GPC1: variants seen among roughly 807,000 people sequenced by gnomAD.
The protein encoded by GPC1 is glypican-1.
GPC1 carries 26 observed loss-of-function variants against 51.5 expected under a neutral mutation model. The observed-to-expected ratio is 0.50, with a 90% CI of 0.37 to 0.70. GPC1 has a LOEUF of 0.70. GPC1 is among the 30% of genes least tolerant of loss of function. The pLI is 0.00. For synonymous variants in GPC1, 380 were observed against 348.3 expected, an observed-to-expected ratio of 1.09 and a Z score of -1.01; for missense variants, 775 against 800.5, an observed-to-expected ratio of 0.97 and a Z score of 0.38.
At chr2:240,446,530 T>C (rs2074052008) in intron 1 of GPC1, among the ~76,000 whole-genome samples, 1 of 152,220 alleles carries the variant, frequency 6.6e-6, no homozygotes, top group Non-Finnish European at 1.5e-5. Context: ...ACTCACCCAT[T>C]TGAGTCATGT....
At position 240,451,347 on chromosome 2, in the gene GPC1, A is replaced by C. The variant is rs1442580157; in HGVS notation, c.167-7683A>C. On this transcript the variant is annotated intron_variant, in intron 1 of 8. Transcript: ENST00000264039. ...AGCGTGCCCCCTGTGGGTGTAGCAG[A>C]CAGGGAGGGCCAGTCCATCTTCCAG... 1.6e-5 allele frequency: 7 copies of C among 440,982 alleles called. No homozygotes were observed. The East Asian group carries it at 5.0e-4, about 31-fold the overall frequency. The allele number at this position is 440,982 out of a possible 1,614,324, so 27.3% of individuals were successfully genotyped here.
chr2:240,465,340 T>C, intron 7 of GPC1, 130 bp downstream of exon 7: 1 of 1,341,650 alleles, frequency 7.5e-7, no homozygotes, highest in Admixed American at 2.2e-5. Flanking sequence ...CTCTGCGGCC[T>C]GTGTGGGCTC....
At chr2:240,464,817 G>T (rs1387827613) in intron 5 of GPC1, 39 bp from the exon 6 acceptor site, 46 of 1,565,138 alleles carry the variant, frequency 2.9e-5, no homozygotes, top group Non-Finnish European at 4.0e-5. Flanking sequence ...GGCTTGAGGG[G>T]CCCCACTACC....
intron 1 of GPC1, chr2:240,456,714 CAGGCCCCAGGAA>C (rs2074168225): frequency 2.3e-6 from 1 of 442,484 alleles, no homozygotes; most frequent in African/African-American, 2.0e-5. Context: ...CAGCCTGGCA[CAGGCCCCAGGAA>C]AGGACCCGGA....
intron 1 of GPC1, chr2:240,450,017 G>A (rs2074083359): frequency 2.4e-6 from 1 of 422,544 alleles, no homozygotes; most frequent in South Asian, 1.7e-5. Flanking sequence ...ATGGGTGTAT[G>A]AGGAGCTGTT....
chr2:240,442,930 C>G (rs1402591986), intron 1 of GPC1, among the ~76,000 whole-genome samples: 1 of 152,250 alleles, frequency 6.6e-6, no homozygotes, highest in Non-Finnish European at 1.5e-5. Flanking sequence ...TCACCCCCGT[C>G]CACCTGAGGC....
chr2:240,436,347 C>G (rs979548421), intron 1 of GPC1, among the ~76,000 whole-genome samples: 1 of 152,132 alleles, frequency 6.6e-6, no homozygotes, highest in Admixed American at 6.5e-5. Flanking sequence ...CGCACGCCGG[C>G]TTCTTCCCTG....
intron 1 of GPC1, chr2:240,455,098 G>A (rs990775967): frequency 6.0e-6 from 1 of 166,984 alleles, no homozygotes; most frequent in African/African-American, 2.4e-5. Context: ...GGATCGGGAG[G>A]GGGAAGATGG....
intron 1 of GPC1, among the ~76,000 whole-genome samples, chr2:240,453,617 T>TCGCC (rs2074126588): frequency 2.2e-5 from 1 of 45,940 alleles, no homozygotes. Context: ...CCCCCTCCCC[T>TCGCC]CGCCTGCCCG....
At chr2:240,456,579 C>T (rs1196348046) in intron 1 of GPC1, 6 of 469,388 alleles carry the variant, frequency 1.3e-5, no homozygotes, top group South Asian at 4.7e-5. Context: ...GTTTCCCTCC[C>T]ACTGCCCAGC....
At chr2:240,441,798 G>A (rs550405507) in intron 1 of GPC1, among the ~76,000 whole-genome samples, 13 of 152,320 alleles carry the variant, frequency 8.5e-5, no homozygotes, top group South Asian at 8.3e-4. Context: ...CCAGGGAAGC[G>A]GGCGGTTCTC....
At position 240,459,067 on chromosome 2, in the gene GPC1, C is replaced by T. The variant is rs777619540; in HGVS notation, c.204C>T (p.Cys68=). The change falls in exon 2 of 9, where the codon TGC becomes TGT. Residue 68 remains cysteine, a synonymous_variant. Transcript: ENST00000264039. Reference sequence around the variant, plus strand: ...GGATCTGTCCCCAGGGCTACACCTGCTGCACCAGCGAGATGGAGGAGAACC... The same window carrying T: ...GGATCTGTCCCCAGGGCTACACCTGTTGCACCAGCGAGATGGAGGAGAACC... ...HLRICPQGYT[C]CTSEMEENLA... is the part of the protein sequence containing the mutation. The T allele has an allele frequency of 2.5e-6, 4 of 1,612,880 alleles. No homozygotes were observed. The highest frequency in any genetic ancestry group is 3.4e-6 in the Non-Finnish European group (4 of 1,179,890).
At chr2:240,456,239 TG>T in intron 1 of GPC1, 1 of 250,456 alleles carries the variant, frequency 4.0e-6, no homozygotes, top group Non-Finnish European at 8.0e-6. Context: ...AACCTGCAGG[TG>T]GGGGGAGCTC....
intron 1 of GPC1, chr2:240,451,038 T>TGG (rs1559197020): frequency 2.3e-6 from 1 of 444,166 alleles, no homozygotes. Context: ...GAGCCAGGCC[T>TGG]GGGACCACCA....
chr2:240,438,261 C>T (rs894693194), intron 1 of GPC1, among the ~76,000 whole-genome samples: 1 of 152,192 alleles, frequency 6.6e-6, no homozygotes, highest in East Asian at 1.9e-4. Context: ...CCCTGCACCC[C>T]CTATGGCTGC....
At chr2:240,465,412 A>G in intron 7 of GPC1, 61 bp from the exon 8 acceptor site, 3 of 1,518,802 alleles carry the variant, frequency 2.0e-6, no homozygotes, top group South Asian at 1.2e-5. Flanking sequence ...TGTCCTGCTC[A>G]GGTGATGGCC....
intron 1 of GPC1, among the ~76,000 whole-genome samples, chr2:240,444,708 C>G (rs1209941253): frequency 6.6e-6 from 1 of 152,226 alleles, no homozygotes; most frequent in Non-Finnish European, 1.5e-5. Context: ...GGGTGATCGT[C>G]TCAGCCTGTC....
At chr2:240,441,620 C>G (rs2074017568) in intron 1 of GPC1, among the ~76,000 whole-genome samples, 1 of 152,222 alleles carries the variant, frequency 6.6e-6, no homozygotes, top group African/African-American at 2.4e-5. Context: ...ATCTTGCCCA[C>G]TTTACGTGGG....
At chr2:240,454,250 G>A (rs1040911978) in intron 1 of GPC1, among the ~76,000 whole-genome samples, 1 of 152,086 alleles carries the variant, frequency 6.6e-6, no homozygotes, top group African/African-American at 2.4e-5. Context: ...GGCCAGGGGC[G>A]CAGGCTTCTT....
Sources: gnomAD v4.1 joint callset for allele counts (sites outside exome capture counted in the v4.1 genomes callset) on GRCh38, gnomAD v4.1.1 for gene constraint, MANE v1.5 for transcripts, NCBI Gene and HGNC (gene_info 2026-07-23, HGNC 2026-07-21) for gene names.